CNTN5: variants seen among roughly 807,000 people sequenced by gnomAD.
CNTN5 encodes contactin 5.
Under a neutral mutation model 129.1 loss-of-function variants are expected in CNTN5, and 77 were observed. That is an observed-to-expected ratio of 0.60 (90% CI 0.50 to 0.72). The LOEUF is 0.72. Among genes scored for constraint, CNTN5 ranks in the 30% least tolerant of loss-of-function variants. The pLI, the probability that CNTN5 is intolerant of heterozygous loss-of-function variation, is 0.00. For synonymous variants in CNTN5, 509 were observed against 465.6 expected, an observed-to-expected ratio of 1.09 and a Z score of -1.20; for missense variants, 1,478 against 1,328.8, an observed-to-expected ratio of 1.11 and a Z score of -1.75.
At chr11:99,401,808 A>G (rs1020041767) in intron 2 of CNTN5, among the ~76,000 whole-genome samples, 1 of 151,778 alleles carries the variant, frequency 6.6e-6, no homozygotes, top group Non-Finnish European at 1.5e-5. Flanking sequence ...TCTTTAGTTA[A>G]CTTAATGCCT....
intron 13 of CNTN5, among the ~76,000 whole-genome samples, chr11:100,096,952 G>A (rs992842174): frequency 3.3e-5 from 5 of 152,106 alleles, no homozygotes; most frequent in African/African-American, 1.2e-4. Flanking sequence ...TTTTCAAGCT[G>A]CCTGTTTGGC....
chr11:100,036,975 G>T (rs1490201181), intron 9 of CNTN5, among the ~76,000 whole-genome samples: 1 of 150,898 alleles, frequency 6.6e-6, no homozygotes, highest in Non-Finnish European at 1.5e-5. Context: ...TCTCCTGCCT[G>T]ATTGCCCTGC....
At chr11:99,049,211 A>G (rs1344909730) in intron 1 of CNTN5, among the ~76,000 whole-genome samples, 1 of 152,162 alleles carries the variant, frequency 6.6e-6, no homozygotes, top group Non-Finnish European at 1.5e-5. Flanking sequence ...GCATTACTTA[A>G]TAAATTGAAG....
At chr11:100,283,435 C>G (rs1041979459) in intron 18 of CNTN5, among the ~76,000 whole-genome samples, 2 of 152,160 alleles carry the variant, frequency 1.3e-5, no homozygotes, top group Non-Finnish European at 2.9e-5. Context: ...CACTCTACCC[C>G]AGCTCACATT....
chr11:100,105,226 G>T lies in CNTN5; in HGVS notation c.1580+30932G>T, dbSNP rs190235231. ...GGGAGAGATAGCATTGGAACACAGG[G>T]TTTATTTGCCTTCAAAGTTCTGTTA... On this transcript the variant is annotated intron_variant, in intron 13 of 24. Coordinates refer to ENST00000524871, the MANE Select transcript of CNTN5 (RefSeq NM_014361.4). Among the ~76,000 whole-genome samples the T allele has an allele frequency of 3.9e-5, 6 of 152,232 alleles. No individual in the cohort carries two copies. The East Asian group carries it at 1.2e-3, about 29-fold the overall frequency.
intron 3 of CNTN5, among the ~76,000 whole-genome samples, chr11:99,813,699 G>C (rs531293904): frequency 1.3e-5 from 2 of 152,190 alleles, no homozygotes; most frequent in East Asian, 1.9e-4. Flanking sequence ...ACTAGAAAAG[G>C]AGATAAAAAG....
intron 2 of CNTN5, among the ~76,000 whole-genome samples, chr11:99,362,716 G>A (rs150347008): frequency 6.6e-6 from 1 of 151,530 alleles, no homozygotes; most frequent in African/African-American, 2.4e-5. Flanking sequence ...TAAAGTACAG[G>A]TCCAACTTCA....
intron 3 of CNTN5, among the ~76,000 whole-genome samples, chr11:99,634,912 T>C (rs1293139300): frequency 1.3e-5 from 2 of 152,328 alleles, no homozygotes; most frequent in African/African-American, 4.8e-5. Context: ...AAGAGACAGA[T>C]ATGGAACTCT....
chr11:99,470,122 A>G (rs940953382), intron 2 of CNTN5, among the ~76,000 whole-genome samples: 1 of 152,152 alleles, frequency 6.6e-6, no homozygotes, highest in Non-Finnish European at 1.5e-5. Context: ...TCAGTTCGTT[A>G]GAGTTTGTGA....
intron 2 of CNTN5, among the ~76,000 whole-genome samples, chr11:99,519,369 G>C (rs1359586099): frequency 6.6e-6 from 1 of 151,934 alleles, no homozygotes; most frequent in Non-Finnish European, 1.5e-5. Context: ...TTTGTTCACA[G>C]CACCAATTTT....
intron 6 of CNTN5, among the ~76,000 whole-genome samples, chr11:99,864,388 G>C (rs150185530): frequency 1.3e-5 from 2 of 151,978 alleles, no homozygotes; most frequent in Non-Finnish European, 2.9e-5. Flanking sequence ...CTCTGCTATC[G>C]TCCTGCAGGT....
At chr11:99,149,855 C>G (rs1859963282) in intron 1 of CNTN5, among the ~76,000 whole-genome samples, 1 of 151,848 alleles carries the variant, frequency 6.6e-6, no homozygotes, top group African/African-American at 2.4e-5. Flanking sequence ...GTAAATATTA[C>G]CTGGTGTCTT....
At chr11:99,341,198 C>A (rs937823993) in intron 2 of CNTN5, among the ~76,000 whole-genome samples, 1 of 151,948 alleles carries the variant, frequency 6.6e-6, no homozygotes, top group East Asian at 1.9e-4. Flanking sequence ...ATAATCATAG[C>A]AAACTGAAAT....
At chr11:99,758,722 A>G (rs546581821) in intron 3 of CNTN5, among the ~76,000 whole-genome samples, 3 of 152,046 alleles carry the variant, frequency 2.0e-5, no homozygotes, top group African/African-American at 7.2e-5. Context: ...TAGAAAGTAT[A>G]TTGGGGAAAG....
At chr11:100,326,775 G>T (rs114090579) in intron 21 of CNTN5, among the ~76,000 whole-genome samples, 5,643 of 152,204 alleles carry the variant, frequency 0.037, 366 homozygotes, top group African/African-American at 0.13. Context: ...CTAAGGGAGG[G>T]GTGGTTTCTT....
intron 18 of CNTN5, among the ~76,000 whole-genome samples, chr11:100,290,035 A>G (rs1950920375): frequency 6.7e-6 from 1 of 150,192 alleles, no homozygotes. Context: ...AATACCTAGG[A>G]ATCCAACTTA....
At chr11:100,020,562 A>G (rs915160698) in intron 9 of CNTN5, among the ~76,000 whole-genome samples, 1 of 152,106 alleles carries the variant, frequency 6.6e-6, no homozygotes, top group Non-Finnish European at 1.5e-5. Flanking sequence ...ATCAGGAAGT[A>G]TAATGCACCC....
chr11:99,680,333 TA>T (rs1309128987), intron 3 of CNTN5, among the ~76,000 whole-genome samples: 1 of 152,098 alleles, frequency 6.6e-6, no homozygotes, highest in Admixed American at 6.6e-5. Flanking sequence ...TTTCAACCTG[TA>T]TTGTTAAGTT....
At chr11:100,088,560 A>C (rs576779342) in intron 13 of CNTN5, among the ~76,000 whole-genome samples, 28 of 151,706 alleles carry the variant, frequency 1.8e-4, no homozygotes, top group African/African-American at 6.3e-4. Context: ...GTCACATTAC[A>C]ACCAATCCCA....
Sources: allele counts gnomAD v4.1 joint callset (sites outside exome capture counted in the v4.1 genomes callset), GRCh38; gene constraint gnomAD v4.1.1; transcripts MANE v1.5; gene names NCBI Gene and HGNC (gene_info 2026-07-23, HGNC 2026-07-21).